Variants in RGS6 observed in about 807,000 individuals in gnomAD.
The protein encoded by RGS6 is regulator of G-protein signaling 6.
A neutral mutation model predicts 78.5 loss-of-function variants in RGS6; 30 were observed. The ratio of observed to expected loss-of-function variants is 0.38; its 90% CI spans 0.29 to 0.52. The LOEUF (loss-of-function observed/expected upper bound fraction) is 0.52, where lower values mean the gene tolerates loss of function less well. Ranked by LOEUF, RGS6 falls within the 20% of genes least tolerant of loss-of-function variation. RGS6 has a pLI of 0.85. For missense variants in RGS6, 495 were observed against 609.7 expected, an observed-to-expected ratio of 0.81 and a Z score of 1.98; for synonymous variants, 206 against 206.0, an observed-to-expected ratio of 1.00 and a Z score of 0.00.
At chr14:72,546,057 ACT>A (rs1251736216) in intron 17 of RGS6, among the ~76,000 whole-genome samples, 1 of 151,886 alleles carries the variant, frequency 6.6e-6, no homozygotes, top group Non-Finnish European at 1.5e-5. Flanking sequence ...ATCTCAGCAC[ACT>A]CTGCTGCTCA....
intron 2 of RGS6, among the ~76,000 whole-genome samples, chr14:72,066,100 G>A (rs1207969994): frequency 6.6e-6 from 1 of 152,120 alleles, no homozygotes; most frequent in Non-Finnish European, 1.5e-5. Flanking sequence ...TTCTTTCTGT[G>A]GAGGTGAAAC....
At chr14:72,240,911 C>G (rs749272335) in intron 2 of RGS6, among the ~76,000 whole-genome samples, 2 of 152,150 alleles carry the variant, frequency 1.3e-5, no homozygotes, top group Non-Finnish European at 2.9e-5. Context: ...GTAATCCCAT[C>G]ACTTTGGGAG....
intron 2 of RGS6, among the ~76,000 whole-genome samples, chr14:72,029,032 A>C (rs995719263): frequency 6.6e-6 from 1 of 152,162 alleles, no homozygotes; most frequent in African/African-American, 2.4e-5. Flanking sequence ...ATATTTTAAG[A>C]ATTTTCTTAC....
chr14:72,546,182 G>T (rs1044039683), intron 17 of RGS6, among the ~76,000 whole-genome samples: 1 of 152,214 alleles, frequency 6.6e-6, no homozygotes, highest in African/African-American at 2.4e-5. Context: ...TTTACAATCA[G>T]TGGTGAAGTC....
chr14:72,282,243 C>G (rs2061703518), intron 2 of RGS6, among the ~76,000 whole-genome samples: 1 of 152,186 alleles, frequency 6.6e-6, no homozygotes, highest in African/African-American at 2.4e-5. Flanking sequence ...TTTTCTCTAT[C>G]AAATATACTT....
At chr14:72,232,632 C>T (rs2238221) in intron 2 of RGS6, among the ~76,000 whole-genome samples, 21,208 of 152,100 alleles carry the variant, frequency 0.14, 1,912 homozygotes, top group East Asian at 0.32. Flanking sequence ...GTGGTGTCCT[C>T]AATGGAGAGG....
the RGS6 span, among the ~76,000 whole-genome samples, chr14:72,599,393 CTTTTTTTTTTT>C: frequency 1.0e-4 from 8 of 78,226 alleles, 1 homozygote; most frequent in South Asian, 5.0e-4. Flanking sequence ...CTTTTCTTTC[CTTTTTTTTTTT>C]TTTTTTTTTT....
At chr14:72,584,673 A>T in the RGS6 span, among the ~76,000 whole-genome samples, 2 of 152,182 alleles carry the variant, frequency 1.3e-5, no homozygotes, top group Non-Finnish European at 2.9e-5. Flanking sequence ...CTGCCATGGG[A>T]TGAAGGCATC....
chr14:72,259,931 A>T (rs2057832262), intron 2 of RGS6, among the ~76,000 whole-genome samples: 1 of 144,130 alleles, frequency 6.9e-6, no homozygotes, highest in Admixed American at 6.9e-5. Flanking sequence ...AAAAAAAAAA[A>T]GCTTAATGAA....
At chr14:72,621,494 C>T in the RGS6 span, among the ~76,000 whole-genome samples, 1 of 152,152 alleles carries the variant, frequency 6.6e-6, no homozygotes, top group East Asian at 1.9e-4. Context: ...TGTTGGAATC[C>T]CCAGGGAGCA....
intron 2 of RGS6, among the ~76,000 whole-genome samples, chr14:72,297,433 T>C (rs869255334): frequency 6.8e-6 from 1 of 146,896 alleles, no homozygotes; most frequent in Non-Finnish European, 1.5e-5. Context: ...ATTATTATTT[T>C]TTTTTTATAC....
chr14:72,187,295 A>G (rs1389211035), intron 2 of RGS6, among the ~76,000 whole-genome samples: 1 of 152,230 alleles, frequency 6.6e-6, no homozygotes, highest in African/African-American at 2.4e-5. Flanking sequence ...CTCATGTAAA[A>G]TGCTATTGGC....
chr14:72,471,864 A>G (rs1191902723), intron 8 of RGS6, among the ~76,000 whole-genome samples: 1 of 152,256 alleles, frequency 6.6e-6, no homozygotes, highest in Non-Finnish European at 1.5e-5. Context: ...ACTGGAAAGC[A>G]AAGAGGAACG....
chr14:72,099,223 G>A (rs530614690), intron 2 of RGS6, among the ~76,000 whole-genome samples: 11 of 152,158 alleles, frequency 7.2e-5, no homozygotes, highest in South Asian at 4.2e-4. Context: ...GCAGTGGTGC[G>A]ATCTCGGCTC....
intron 16 of RGS6, chr14:72,537,680 T>C (rs2153503020): frequency 6.3e-6 from 4 of 635,764 alleles, no homozygotes; most frequent in East Asian, 5.4e-5. Context: ...ATAGGAACTT[T>C]TGATAACTCC....
intron 3 of RGS6, among the ~76,000 whole-genome samples, chr14:72,382,692 A>C (rs2086512752): frequency 6.6e-6 from 1 of 152,224 alleles, no homozygotes; most frequent in East Asian, 1.9e-4. Context: ...TCCAGGCATG[A>C]CGTTTGGCTC....
chr14:72,430,252 G>A (rs970311186), intron 3 of RGS6, among the ~76,000 whole-genome samples: 2 of 152,176 alleles, frequency 1.3e-5, no homozygotes, highest in African/African-American at 2.4e-5. Flanking sequence ...ACACGTGATA[G>A]ATAGTCTGTA....
the RGS6 span, among the ~76,000 whole-genome samples, chr14:71,877,159 T>G: frequency 6.6e-6 from 1 of 152,176 alleles, no homozygotes; most frequent in East Asian, 1.9e-4. Context: ...TGTCTTGGAG[T>G]TGCTCTTCTG....
rs57854685 is a variant in RGS6 at position 71,971,906 on chromosome 14, G to GT, written c.84+7059dup. Among the ~76,000 whole-genome samples, 198 of 104,428 alleles carry GT rather than the reference G, an allele frequency of 1.9e-3. 4 individuals carry two copies. Among genetic ancestry groups the GT allele is most frequent in the Admixed American group, 2.1e-3 (20 of 9,730 alleles). 68.5% of individuals were successfully genotyped at this position (104,428 alleles called of 152,430 possible). On this transcript the variant is annotated intron_variant, in intron 2 of 17. Coordinates refer to ENST00000553525, the MANE Select transcript of RGS6 (RefSeq NM_001204424.2). ...CATATCGCAGCTCATAATATGGCAG[G>GT]TTTTTTTTTTTTTTTTTTTTTTTTT...
Sources: gnomAD v4.1 joint callset for allele counts (sites outside exome capture counted in the v4.1 genomes callset) on GRCh38, gnomAD v4.1.1 for gene constraint, MANE v1.5 for transcripts, NCBI Gene and HGNC (gene_info 2026-07-23, HGNC 2026-07-21) for gene names.